The following BBX variants were observed in gnomAD, a reference collection of about 807,000 sequenced individuals.
BBX encodes the protein BBX high mobility group box domain containing, also known as HMG box transcription factor BBX.
In BBX, 30 loss-of-function variants were observed where a neutral mutation model predicts 100.2. The ratio of observed to expected loss-of-function variants is 0.30; its 90% CI spans 0.22 to 0.41. The LOEUF is 0.41. Ranked by LOEUF, BBX falls within the 10% of genes least tolerant of loss-of-function variation. The pLI, the probability that BBX is intolerant of heterozygous loss-of-function variation, is 1.00. For synonymous variants in BBX, 376 were observed against 388.1 expected, an observed-to-expected ratio of 0.97 and a Z score of 0.37; for missense variants, 1,023 against 1,129.8, an observed-to-expected ratio of 0.91 and a Z score of 1.35.
chr3:107,621,208 G>T (rs758118240), intron 2 of BBX, among the ~76,000 whole-genome samples: 6 of 152,136 alleles, frequency 3.9e-5, no homozygotes, highest in African/African-American at 7.2e-5. Flanking sequence ...TGACTTTTGG[G>T]GGGAGCTGGC....
At position 107,773,422 on chromosome 3, in the gene BBX, G is replaced by T; in HGVS notation, c.1701G>T (p.Glu567Asp). 1 of 1,614,006 alleles carries T rather than the reference G, an allele frequency of 6.2e-7. No individual in the cohort carries two copies. The highest frequency in any genetic ancestry group is 1.7e-4 in the Middle Eastern group (1 of 6,060). The change falls in exon 11 of 18, where the codon GAG (glutamate) becomes GAT (aspartate). Residue 567 changes from glutamate to aspartate, a missense_variant. Around this residue, in one of 9 missense-constraint regions of BBX, gnomAD observed 348 missense variants for 353.2 expected, o/e 0.99. Coordinates refer to ENST00000325805, the MANE Select transcript of BBX (RefSeq NM_001142568.3). The surrounding 1 kb of genome is among the most constrained non-coding windows in gnomAD (Gnocchi z 4.1). ...CTGCTAGCAAGAACATTTCTGGTGA[G>T]ACACCAGAGGGTATAAAAGCAGAAC... ...SISASKNISG[E>D]TPEGIKAEPL...
chr3:107,622,941 T>A (rs1351409008), intron 2 of BBX, among the ~76,000 whole-genome samples: 1 of 152,202 alleles, frequency 6.6e-6, no homozygotes, highest in African/African-American at 2.4e-5. Flanking sequence ...TCCCACTTAT[T>A]TGCCACCCAA....
Position 107,655,228 on chromosome 3 carries a change from C to A in BBX, c.-10+9319C>A, listed in dbSNP as rs538320886. Among the ~76,000 whole-genome samples the A allele has an allele frequency of 1.6e-3, 239 of 152,100 alleles. 1 individual carries two copies. Among genetic ancestry groups the A allele is most frequent in the Middle Eastern group, 3.4e-3 (1 of 294 alleles). On this transcript the variant is annotated intron_variant, in intron 3 of 17. Coordinates refer to ENST00000325805, the MANE Select transcript of BBX (RefSeq NM_001142568.3). ...TTGATTTTATTTTAATTGTACCTCC[C>A]CCAATTTTGCAATTTTAGTAAAGCC...
intron 2 of BBX, among the ~76,000 whole-genome samples, chr3:107,560,189 G>A (rs1244011229): frequency 6.6e-6 from 1 of 150,518 alleles, no homozygotes; most frequent in African/African-American, 2.5e-5. Flanking sequence ...TCAGTGTAGG[G>A]AAAATAATGG....
At chr3:107,754,865 T>C (rs555889222) in intron 9 of BBX, among the ~76,000 whole-genome samples, 10 of 152,300 alleles carry the variant, frequency 6.6e-5, no homozygotes, top group African/African-American at 2.2e-4. Context: ...AGGCTAGAAA[T>C]GGAAAATGAA....
intron 3 of BBX, among the ~76,000 whole-genome samples, chr3:107,701,058 C>G (rs2061010909): frequency 6.6e-6 from 1 of 151,960 alleles, no homozygotes; most frequent in Non-Finnish European, 1.5e-5. Context: ...GTCCCACCAA[C>G]AGTGTAAAAG....
intron 3 of BBX, among the ~76,000 whole-genome samples, chr3:107,672,677 G>C (rs2059079726): frequency 6.6e-6 from 1 of 151,916 alleles, no homozygotes; most frequent in Admixed American, 6.6e-5. Context: ...TGAAATATTA[G>C]GATCTTATGA....
At chr3:107,558,538 A>G (rs767000356) in intron 2 of BBX, among the ~76,000 whole-genome samples, 100 of 152,142 alleles carry the variant, frequency 6.6e-4, no homozygotes, top group Non-Finnish European at 1.1e-3. Context: ...TTAATCAGGT[A>G]TGGGCTGTCA....
intron 10 of BBX, among the ~76,000 whole-genome samples, chr3:107,771,675 C>T (rs2066918638): frequency 6.6e-6 from 1 of 152,108 alleles, no homozygotes; most frequent in Non-Finnish European, 1.5e-5. Flanking sequence ...ATCAATTTGC[C>T]AGCAAGTGAG....
chr3:107,755,736 T>C, intron 10 of BBX, 58 bp downstream of exon 10: 1 of 1,408,464 alleles, frequency 7.1e-7, no homozygotes, highest in Non-Finnish European at 1.0e-6. Flanking sequence ...TACAAAATAT[T>C]CTAACAGTGT....
At chr3:107,693,417 G>A (rs1247117841) in intron 3 of BBX, among the ~76,000 whole-genome samples, 4 of 151,476 alleles carry the variant, frequency 2.6e-5, no homozygotes, top group African/African-American at 9.8e-5. Context: ...TTCTACATAT[G>A]GCTAGCCAGT....
chr3:107,786,358 AAAC>A, intron 13 of BBX, among the ~76,000 whole-genome samples: 1 of 152,258 alleles, frequency 6.6e-6, no homozygotes, highest in South Asian at 2.1e-4. Flanking sequence ...AGAAAAAACA[AAAC>A]AATCTTAGAA....
At chr3:107,530,694 C>T (rs555290643) in intron 2 of BBX, among the ~76,000 whole-genome samples, 1 of 152,232 alleles carries the variant, frequency 6.6e-6, no homozygotes, top group South Asian at 2.1e-4. Flanking sequence ...TTATTCAAAA[C>T]AGCTGTATTT....
chr3:107,564,635 G>A (rs893410599), intron 2 of BBX, among the ~76,000 whole-genome samples: 4 of 152,066 alleles, frequency 2.6e-5, no homozygotes, highest in Non-Finnish European at 4.4e-5. Flanking sequence ...TCTAGTGGGC[G>A]TTTTCTCTTA....
At chr3:107,718,603 T>G (rs1029093632) in intron 5 of BBX, among the ~76,000 whole-genome samples, 1 of 152,046 alleles carries the variant, frequency 6.6e-6, no homozygotes, top group Admixed American at 6.6e-5. Context: ...AGATTGCTGT[T>G]TTTGGATAAC....
chr3:107,710,633 T>C lies in BBX; in HGVS notation c.162+11T>C, dbSNP rs1401360417. 1.3e-6 allele frequency: 2 copies of C among 1,586,626 alleles called. No homozygotes were observed. The highest frequency in any genetic ancestry group is 1.4e-5 in the African/African-American group (1 of 73,490). ...GAGGATATTGATAAGGTAAGTCCTA[T>C]ATTTACCATAGAAGTTTCAAGTTTA... On this transcript the variant is annotated intron_variant, in intron 4 of 17. Coordinates refer to ENST00000325805, the MANE Select transcript of BBX (RefSeq NM_001142568.3).
chr3:107,685,865 A>ATC (rs2059818795), intron 3 of BBX, among the ~76,000 whole-genome samples: 4 of 152,222 alleles, frequency 2.6e-5, no homozygotes, highest in Non-Finnish European at 4.4e-5. Flanking sequence ...CTTTGAGAAT[A>ATC]GCAAGGAACC....
chr3:107,604,833 G>C (rs1474376623), intron 2 of BBX, among the ~76,000 whole-genome samples: 2 of 149,356 alleles, frequency 1.3e-5, no homozygotes, highest in East Asian at 4.0e-4. Context: ...CACACAGGGA[G>C]ATAATACATC....
At chr3:107,704,405 T>C (rs1255479375) in intron 3 of BBX, among the ~76,000 whole-genome samples, 1 of 152,170 alleles carries the variant, frequency 6.6e-6, no homozygotes, top group Non-Finnish European at 1.5e-5. Context: ...TCACAACCTT[T>C]TGTGGACGTG....
Sources: gnomAD v4.1 joint callset for allele counts (sites outside exome capture counted in the v4.1 genomes callset) on GRCh38, gnomAD v4.1.1 for gene constraint, gnomAD v4.1.1 regional missense constraint, Gnocchi (gnomAD v3.1) non-coding constraint, MANE v1.5 for transcripts, NCBI Gene and HGNC (gene_info 2026-07-23, HGNC 2026-07-21) for gene names.